Variants in USP34 observed in about 807,000 individuals in gnomAD.
USP34 encodes the protein ubiquitin specific peptidase 34.
USP34 carries 70 observed loss-of-function variants against 460.3 expected under a neutral mutation model. The ratio of observed to expected loss-of-function variants is 0.15; its 90% CI spans 0.13 to 0.19. USP34 has a LOEUF of 0.19. USP34 is among the 10% of genes least tolerant of loss of function. USP34 has a pLI of 1.00. For missense variants in USP34, 3,985 were observed against 4,236.2 expected (o/e 0.94, Z 1.65); for synonymous variants, 1,647 against 1,405.3 (o/e 1.17, Z -3.85).
At chr2:61,455,265 G>T (rs1348501257) in intron 1 of USP34, among the ~76,000 whole-genome samples, 1 of 151,880 alleles carries the variant, frequency 6.6e-6, no homozygotes, top group East Asian at 1.9e-4. Context: ...TGCAACCTCC[G>T]CCTCCCGGGT....
chr2:61,467,712 C>A (rs1171808281), intron 1 of USP34, among the ~76,000 whole-genome samples: 1 of 144,140 alleles, frequency 6.9e-6, no homozygotes, highest in African/African-American at 2.6e-5. Flanking sequence ...CTCCGCCTAC[C>A]AGGGTTCAAG....
intron 1 of USP34, among the ~76,000 whole-genome samples, chr2:61,454,155 GAGA>G (rs1196065500): frequency 2.6e-5 from 4 of 152,050 alleles, no homozygotes; most frequent in Non-Finnish European, 4.4e-5. Flanking sequence ...GGGGTTTTTC[GAGA>G]AGGAGTCTCC....
At chr2:61,248,392 C>T in intron 49 of USP34, 119 bp downstream of exon 49, 1 of 981,878 alleles carries the variant, frequency 1.0e-6, no homozygotes, top group Non-Finnish European at 1.5e-6. Flanking sequence ...TCTTAACCTT[C>T]TCCCTTCTAA....
Position 61,339,684 on chromosome 2 carries a change from G to C in USP34, c.2501-3C>G. On this transcript the variant is annotated splice_polypyrimidine_tract_variant and splice_region_variant and intron_variant, in intron 16 of 79. Coordinates refer to ENST00000398571, the MANE Select transcript of USP34 (RefSeq NM_014709.4). ...TTGATGTTTATGAACTACAGGTCCT[G>C]AAGAGAAAAAAAAAAAAAAGACACA... 1.5e-6 allele frequency: 2 copies of C among 1,349,876 alleles called. No individual in the cohort carries two copies. Among genetic ancestry groups the C allele is most frequent in the Non-Finnish European group, 2.0e-6 (2 of 1,022,376 alleles). The allele number at this position is 1,349,876 out of a possible 1,614,324, so 83.6% of individuals were successfully genotyped here.
chr2:61,270,922 T>C (rs1328386443), intron 41 of USP34, among the ~76,000 whole-genome samples: 1 of 152,192 alleles, frequency 6.6e-6, no homozygotes, highest in Non-Finnish European at 1.5e-5. Flanking sequence ...TATGACTTAA[T>C]TTTTACTCAT....
rs765349628 is a variant in USP34 at position 61,256,346 on chromosome 2, C to A, written c.6221+38G>T. 4 of 1,536,100 alleles carry A rather than the reference C, an allele frequency of 2.6e-6. No homozygotes were observed. In the East Asian group the frequency reaches 6.8e-5, roughly 26 times the overall value. ...ACCCTTAGTTTGTCTTTCACTTCTA[C>A]GGTGAACATAATAAAAATCACATTT... On this transcript the variant is annotated intron_variant, in intron 48 of 79. Coordinates refer to ENST00000398571, the MANE Select transcript of USP34 (RefSeq NM_014709.4).
chr2:61,348,344 C>G lies in USP34; in HGVS notation c.1811G>C (p.Ser604Thr), dbSNP rs775482397. The change falls in exon 15 of 80, where the codon AGC (serine) becomes ACC (threonine). Residue 604 changes from serine (S) to threonine (T), a missense_variant. Physicochemically the swap from Ser to Thr is moderately conservative, Grantham distance 58. Transcript: ENST00000398571. ...TTCTGACTGTACCTCACTGCCAGGGCTCCCAGCTGACTGGCTTGCGTGGCT... is the reference window on the plus strand; with the variant it reads ...TTCTGACTGTACCTCACTGCCAGGGGTCCCAGCTGACTGGCTTGCGTGGCT... ...NSSHASQSAG[S>T]PGSEVQSEDI... The G allele has an allele frequency of 3.7e-5, 59 of 1,614,170 alleles. No individual in the cohort carries two copies. The Middle Eastern group carries it at 9.9e-4, about 27-fold the overall frequency.
chr2:61,248,336 T>C (rs558227263), intron 49 of USP34, among the ~76,000 whole-genome samples, 175 bp downstream of exon 49: 2 of 152,298 alleles, frequency 1.3e-5, no homozygotes, highest in South Asian at 2.1e-4. Flanking sequence ...ATAGTCCTAG[T>C]AGATACTAAA....
intron 30 of USP34, 63 bp downstream of exon 30, chr2:61,296,737 C>T (rs1690041954): frequency 6.5e-7 from 1 of 1,528,900 alleles, no homozygotes; most frequent in Non-Finnish European, 8.8e-7. Flanking sequence ...ATCTTCTACA[C>T]TGTCAATAGG....
At chr2:61,396,717 T>C (rs904489469) in intron 3 of USP34, among the ~76,000 whole-genome samples, 4 of 152,138 alleles carry the variant, frequency 2.6e-5, no homozygotes, top group African/African-American at 7.2e-5. Flanking sequence ...CTCGATCTCC[T>C]GACCTCATGA....
At chr2:61,316,000 G>A (rs1342173286) in intron 23 of USP34, among the ~76,000 whole-genome samples, 1 of 146,300 alleles carries the variant, frequency 6.8e-6, no homozygotes, top group African/African-American at 2.5e-5. Context: ...AGGAGTTCGA[G>A]ACCAGCCTGG....
intron 23 of USP34, among the ~76,000 whole-genome samples, chr2:61,315,608 C>A (rs961503701): frequency 2.6e-5 from 4 of 152,056 alleles, no homozygotes; most frequent in African/African-American, 9.7e-5. Flanking sequence ...CTCCCAACCT[C>A]AGCTGATCCA....
intron 43 of USP34, among the ~76,000 whole-genome samples, chr2:61,260,492 T>TAAGA (rs921020662): frequency 2.0e-5 from 3 of 152,216 alleles, no homozygotes; most frequent in African/African-American, 7.2e-5. Flanking sequence ...GTCCACAAGC[T>TAAGA]AAGAGTATAC....
chr2:61,272,134 G>C (rs1005961997), intron 41 of USP34, among the ~76,000 whole-genome samples: 1 of 152,062 alleles, frequency 6.6e-6, no homozygotes, highest in South Asian at 2.1e-4. Flanking sequence ...ATTCTTGGCC[G>C]GGCACGGCGG....
intron 3 of USP34, among the ~76,000 whole-genome samples, chr2:61,396,140 T>A (rs557131828): frequency 6.6e-6 from 1 of 152,156 alleles, no homozygotes; most frequent in Non-Finnish European, 1.5e-5. Context: ...TTTTGAAAAG[T>A]TTCTCAACAA....
At chr2:61,403,562 A>G (rs982471343) in intron 3 of USP34, among the ~76,000 whole-genome samples, 18 of 152,324 alleles carry the variant, frequency 1.2e-4, no homozygotes, top group Admixed American at 1.0e-3. Flanking sequence ...AATATATTTT[A>G]TATCATGTAA....
At chr2:61,271,692 G>A (rs1212816167) in intron 41 of USP34, among the ~76,000 whole-genome samples, 1 of 152,164 alleles carries the variant, frequency 6.6e-6, no homozygotes, top group East Asian at 1.9e-4. Flanking sequence ...GAGGAGAAAG[G>A]AGGGGAAGAA....
Position 61,367,532 on chromosome 2 carries a change from A to G in USP34, c.1251+2789T>C, listed in dbSNP as rs1421641079. 2.6e-5 allele frequency among the ~76,000 whole-genome samples: 4 copies of G among 152,216 alleles called. No homozygotes were observed. The East Asian group carries it at 5.8e-4, about 22-fold the overall frequency. ...GGAAGTCAAAGAAAATACATTGAAA[A>G]TCTACCACAACCAACCTAAGAATTC... On this transcript the variant is annotated intron_variant, in intron 10 of 79. Transcript: ENST00000398571.
intron 41 of USP34, among the ~76,000 whole-genome samples, chr2:61,267,739 A>G (rs1426902763): frequency 6.6e-6 from 1 of 151,854 alleles, no homozygotes; most frequent in African/African-American, 2.4e-5. Flanking sequence ...TCAGACTCCC[A>G]ATTAGTTGGG....
Sources: allele counts gnomAD v4.1 joint callset (sites outside exome capture counted in the v4.1 genomes callset), GRCh38; gene constraint gnomAD v4.1.1; transcripts MANE v1.5; gene names NCBI Gene and HGNC (gene_info 2026-07-23, HGNC 2026-07-21).